The following HMCN2 variants were observed in gnomAD, a reference collection of about 807,000 sequenced individuals.
The protein encoded by HMCN2 is hemicentin-2.
A neutral mutation model predicts 377.5 loss-of-function variants in HMCN2; 325 were observed. The observed-to-expected ratio is 0.86, with a 90% CI of 0.79 to 0.94. HMCN2 has a LOEUF of 0.94. Ranked by LOEUF, HMCN2 falls within the 40% of genes least tolerant of loss-of-function variation. HMCN2 has a pLI of 0.00. For synonymous variants in HMCN2, 2,007 were observed against 2,046.8 expected, an observed-to-expected ratio of 0.98 and a Z score of 0.53; for missense variants, 4,543 against 4,725.3, an observed-to-expected ratio of 0.96 and a Z score of 1.13.
intron 85 of HMCN2, 59 bp downstream of exon 85, chr9:130,410,711 C>A: frequency 1.4e-6 from 2 of 1,439,216 alleles, no homozygotes; most frequent in South Asian, 1.2e-5. Flanking sequence ...ACAGCGGTGG[C>A]GTGTGCAGCC....
chr9:130,385,829 G>A, intron 60 of HMCN2, 67 bp downstream of exon 60: 1 of 1,124,110 alleles, frequency 8.9e-7, no homozygotes, highest in Non-Finnish European at 1.2e-6. Context: ...GCCCTGGCGA[G>A]CTGCGGGGAG....
intron 83 of HMCN2, 85 bp from the exon 84 acceptor site, chr9:130,408,658 G>T: frequency 9.9e-7 from 1 of 1,007,522 alleles, no homozygotes. Flanking sequence ...GGAGGCAGGA[G>T]TTGGGCAGTC....
chr9:130,297,953 A>G (rs1836259320), intron 7 of HMCN2, among the ~76,000 whole-genome samples: 1 of 152,048 alleles, frequency 6.6e-6, no homozygotes, highest in Non-Finnish European at 1.5e-5. Context: ...AAAGATGTAT[A>G]TCCAAGATAA....
intron 7 of HMCN2, among the ~76,000 whole-genome samples, chr9:130,298,327 C>A (rs1385290903): frequency 6.6e-6 from 1 of 152,064 alleles, no homozygotes; most frequent in Admixed American, 6.5e-5. Flanking sequence ...GAGTTCAAGA[C>A]CAGCCTGGAC....
chr9:130,389,826 C>T (rs1054075903), intron 62 of HMCN2, among the ~76,000 whole-genome samples: 4 of 152,200 alleles, frequency 2.6e-5, no homozygotes, highest in Admixed American at 6.5e-5. Context: ...CCACCTGCCT[C>T]GGCCTCCCAC....
intron 15 of HMCN2, among the ~76,000 whole-genome samples, chr9:130,312,602 T>TTC (rs1488286544): frequency 9.3e-6 from 1 of 107,526 alleles, no homozygotes; most frequent in Non-Finnish European, 1.9e-5. Context: ...CTTTCTTTCT[T>TTC]TCTTTCTTTC....
chr9:130,398,250 A>G (rs2131703514), intron 74 of HMCN2, among the ~76,000 whole-genome samples: 1 of 151,824 alleles, frequency 6.6e-6, no homozygotes, highest in Non-Finnish European at 1.5e-5. Context: ...CCTCCAACAG[A>G]TCAGCTTGTG....
chr9:130,398,622 G>A lies in HMCN2; in HGVS notation c.11398G>A (p.Glu3800Lys), dbSNP rs1017817229. 74 of 1,288,376 alleles carry A rather than the reference G, an allele frequency of 5.7e-5. No homozygotes were observed. The highest frequency in any genetic ancestry group is 7.1e-5 in the Non-Finnish European group (70 of 987,904). 79.8% of individuals were successfully genotyped at this position (1,288,376 alleles called of 1,614,324 possible). Residue 3800 changes from glutamate to lysine, a missense_variant, in exon 75 of 98, where the codon GAG (glutamate) becomes AAG (lysine). Physicochemically the swap from Glu to Lys is moderately conservative, Grantham distance 56. This residue lies in a region of HMCN2 where 1,073 missense variants were observed against 1,319.5 expected (regional missense o/e 0.81). Transcript: ENST00000683500. ...TAHTPALLPC[E>K]ASGSPKPLVV... ...CCACACCCCAGCCTTGCTGCCCTGCGAGGCCAGCGGCTCCCCTAAGCCCCT... is the reference window on the plus strand; with the variant it reads ...CCACACCCCAGCCTTGCTGCCCTGCAAGGCCAGCGGCTCCCCTAAGCCCCT...
chr9:130,429,804 G>A, intron 94 of HMCN2, 119 bp downstream of exon 94: 2 of 1,434,302 alleles, frequency 1.4e-6, no homozygotes, highest in Non-Finnish European at 1.8e-6. Context: ...CAGCACCTCA[G>A]CTCAGGGGCT....
intron 86 of HMCN2, chr9:130,419,395 G>T (rs1452200935): frequency 5.3e-6 from 1 of 188,270 alleles, no homozygotes; most frequent in African/African-American, 2.3e-5. Context: ...CTGTGCATCA[G>T]TGCATGTCCC....
chr9:130,366,750 G>T (rs1327476593), intron 43 of HMCN2, among the ~76,000 whole-genome samples: 1 of 152,264 alleles, frequency 6.6e-6, no homozygotes, highest in South Asian at 2.1e-4. Context: ...ACAGCACCCA[G>T]CCCATTTAAC....
Position 130,271,056 on chromosome 9 carries a change from G to GT in HMCN2, c.259+4927dup, listed in dbSNP as rs536117677. Among the ~76,000 whole-genome samples, 9 of 147,862 alleles carry GT rather than the reference G, an allele frequency of 6.1e-5. 1 individual carries two copies. Among genetic ancestry groups the GT allele is most frequent in the Admixed American group, 2.0e-4 (3 of 14,852 alleles). ...TTCCCTCAGTCATTATTTGTCTAAT[G>GT]TTTTTTTTCCAGTTAGACTGGGTAA... On this transcript the variant is annotated intron_variant, in intron 1 of 97. Transcript: ENST00000683500.
chr9:130,314,653 G>A (rs1365083870), intron 15 of HMCN2, among the ~76,000 whole-genome samples: 1 of 152,156 alleles, frequency 6.6e-6, no homozygotes, highest in African/African-American at 2.4e-5. Flanking sequence ...CTTCCATCCT[G>A]AGACTCCTCC....
Position 130,410,571 on chromosome 9 carries a change from A to C in HMCN2, c.12880A>C (p.Arg4294=), listed in dbSNP as rs1483905111. Residue 4294 remains arginine (R), a splice_region_variant and synonymous_variant, in exon 85 of 98, where the codon AGG becomes CGG. Transcript: ENST00000683500. ...NGSLTIRRTE[R]DDAGRYQCLA... ...CCTCCTCTCCTGTGCCCACTTGCAG[A>C]GGGACGATGCGGGACGGTACCAGTG... is the stretch of plus-strand genomic sequence containing the variant. The C allele has an allele frequency of 1.9e-6, 3 of 1,550,432 alleles. No individual in the cohort carries two copies. The highest frequency in any genetic ancestry group is 2.0e-5 in the Admixed American group (1 of 50,992).
At chr9:130,267,527 A>C (rs1321004698) in intron 1 of HMCN2, among the ~76,000 whole-genome samples, 1 of 152,132 alleles carries the variant, frequency 6.6e-6, no homozygotes, top group Non-Finnish European at 1.5e-5. Context: ...GTGCTGAAGA[A>C]ATAGACGGTG....
In HMCN2 at chr9:130,433,642, C is replaced by A; in HGVS notation, c.15189C>A (p.Arg5063=). ...YRLTVRAAAP[R]HQSVFVLLIA... is the part of the protein sequence containing the mutation. ...TCACCGTGCGTGCTGCGGCACCGCG[C>A]CACCAAAGCGTCTTCGTCTTGCTCA... Residue 5063 remains arginine (R), a synonymous_variant, in exon 98 of 98, where the codon CGC becomes CGA. Transcript: ENST00000683500. The A allele has an allele frequency of 6.6e-7, 1 of 1,519,244 alleles. No homozygotes were observed. 94.1% of individuals were successfully genotyped at this position (1,519,244 alleles called of 1,614,324 possible).
chr9:130,425,882 G>C lies in HMCN2; in HGVS notation c.13837G>C (p.Ala4613Pro). The C allele has an allele frequency of 6.5e-7, 1 of 1,550,036 alleles. No homozygotes were observed. The highest frequency in any genetic ancestry group is 8.7e-7 in the Non-Finnish European group (1 of 1,146,930). Residue 4613 changes from alanine (A) to proline (P), a missense_variant, in exon 90 of 98, where the codon GCC becomes CCC. Coordinates refer to ENST00000683500, the MANE Select transcript of HMCN2 (RefSeq NM_001291815.2). The part of the protein sequence containing the change: ...SAISSAFDPE[A>P]EALRFQLATA... ...TATCAGCTCGGCCTTTGATCCAGAG[G>C]CCGAGGCCCTGCGCTTCCAGCTCGC...
At chr9:130,362,693 C>T (rs1167225051) in intron 39 of HMCN2, among the ~76,000 whole-genome samples, 174 bp from the exon 40 acceptor site, 6 of 152,332 alleles carry the variant, frequency 3.9e-5, no homozygotes, top group East Asian at 3.9e-4. Flanking sequence ...TGGCAGAGGT[C>T]CGGAGGCCCA....
chr9:130,317,476 TC>T (rs1588232674), intron 15 of HMCN2, among the ~76,000 whole-genome samples: 7 of 119,018 alleles, frequency 5.9e-5, no homozygotes, highest in Non-Finnish European at 1.2e-4. Context: ...CATCTCTCTC[TC>T]TCTCTCTCTC....
Sources: gnomAD v4.1 joint callset for allele counts (sites outside exome capture counted in the v4.1 genomes callset) on GRCh38, gnomAD v4.1.1 for gene constraint, gnomAD v4.1.1 regional missense constraint, MANE v1.5 for transcripts, NCBI Gene and HGNC (gene_info 2026-07-23, HGNC 2026-07-21) for gene names.